CELF2: variants seen among roughly 807,000 people sequenced by gnomAD.
CELF2 encodes CUGBP Elav-like family member 2.
CELF2 carries 8 observed loss-of-function variants against 62.6 expected under a neutral mutation model. The ratio of observed to expected loss-of-function variants is 0.13; its 90% CI spans 0.07 to 0.23. The LOEUF is 0.23. Among genes scored for constraint, CELF2 ranks in the 10% least tolerant of loss-of-function variants. The pLI is 1.00. For synonymous variants in CELF2, 258 were observed against 250.0 expected (o/e 1.03, Z -0.30); for missense variants, 333 against 671.0 (o/e 0.50, Z 5.56).
intron 1 of CELF2, among the ~76,000 whole-genome samples, chr10:11,028,717 C>A (rs1037522590): frequency 4.5e-5 from 3 of 66,640 alleles, no homozygotes; most frequent in Non-Finnish European, 1.0e-4. Context: ...CCGCACCCAG[C>A]CTTTTTTTTT....
At chr10:10,727,514 T>A in the CELF2 span, among the ~76,000 whole-genome samples, 12 of 152,116 alleles carry the variant, frequency 7.9e-5, no homozygotes, top group Non-Finnish European at 1.8e-4. Context: ...CGGTGGCTCA[T>A]GCCTGTAATA....
chr10:11,083,249 C>G (rs1343601687), intron 1 of CELF2, among the ~76,000 whole-genome samples: 2 of 152,212 alleles, frequency 1.3e-5, no homozygotes, highest in African/African-American at 4.8e-5. Context: ...ACCATTATCA[C>G]TTTGACAGAT....
intron 1 of CELF2, among the ~76,000 whole-genome samples, chr10:10,869,835 G>C (rs188726961): frequency 5.9e-5 from 9 of 152,172 alleles, no homozygotes. Context: ...AAATTAAATA[G>C]CTGAATGCGG....
At chr10:10,481,772 C>T in the CELF2 span, among the ~76,000 whole-genome samples, 7 of 152,196 alleles carry the variant, frequency 4.6e-5, no homozygotes, top group East Asian at 9.6e-4. Flanking sequence ...TGTAAATTGT[C>T]GACTCAATTC....
intron 10 of CELF2, 196 bp from the exon 11 acceptor site, chr10:11,320,993 C>A: frequency 2.1e-6 from 3 of 1,431,780 alleles, no homozygotes; most frequent in East Asian, 2.5e-5. Context: ...TGAGGGTTCT[C>A]ATGGCTTAGG....
the CELF2 span, among the ~76,000 whole-genome samples, chr10:10,500,523 T>C: frequency 6.6e-6 from 1 of 152,136 alleles, no homozygotes; most frequent in Non-Finnish European, 1.5e-5. Flanking sequence ...AAGCACAAAT[T>C]CTCTCTTGCC....
At chr10:10,927,930 T>A (rs2065696493) in intron 2 of CELF2, among the ~76,000 whole-genome samples, 1 of 152,192 alleles carries the variant, frequency 6.6e-6, no homozygotes, top group South Asian at 2.1e-4. Flanking sequence ...AAGAGTTTCC[T>A]ATTGCTTAGA....
At chr10:11,209,646 A>G (rs1399352458) in intron 2 of CELF2, among the ~76,000 whole-genome samples, 1 of 147,738 alleles carries the variant, frequency 6.8e-6, no homozygotes, top group Non-Finnish European at 1.5e-5. Context: ...GTTTTTTTTT[A>G]ACCTTTAACT....
chr10:10,707,225 T>C, the CELF2 span, among the ~76,000 whole-genome samples: 1 of 152,208 alleles, frequency 6.6e-6, no homozygotes, highest in South Asian at 2.1e-4. Context: ...TATTTTCAGA[T>C]GCCAGATTTT....
rs1277705205 is a variant in CELF2 at position 11,260,959 on chromosome 10, A to G, written c.538+3087A>G. On this transcript the variant is annotated intron_variant, in intron 5 of 12. Coordinates refer to ENST00000633077, the MANE Select transcript of CELF2 (RefSeq NM_001326342.2). This position sits in a 1 kb window ranked among gnomAD's most constrained non-coding sequence, Gnocchi z 4.2. ...TCTCCCATTAGTGGCACTGCAGATA[A>G]AGGGCATTCAGCATTTCTGTTCTCA... is the stretch of plus-strand genomic sequence containing the variant. 3.3e-5 allele frequency among the ~76,000 whole-genome samples: 5 copies of G among 152,218 alleles called. No homozygotes were observed. The highest frequency in any genetic ancestry group is 6.5e-5 in the Admixed American group (1 of 15,288).
chr10:11,055,682 G>A (rs1338824234), intron 1 of CELF2, among the ~76,000 whole-genome samples: 3 of 152,204 alleles, frequency 2.0e-5, no homozygotes, highest in African/African-American at 7.2e-5. Context: ...TTTTGATCCC[G>A]ATTGCTCTCC....
At chr10:10,696,312 C>T in the CELF2 span, among the ~76,000 whole-genome samples, 1 of 151,874 alleles carries the variant, frequency 6.6e-6, no homozygotes, top group African/African-American at 2.4e-5. Context: ...AGTTAGGCTG[C>T]TCAGGGGTCA....
chr10:10,684,615 G>A, the CELF2 span, among the ~76,000 whole-genome samples: 1 of 152,078 alleles, frequency 6.6e-6, no homozygotes, highest in Non-Finnish European at 1.5e-5. Flanking sequence ...CATGAGGCAT[G>A]CTCCTGTGGT....
chr10:11,225,175 A>C (rs1307631763), intron 3 of CELF2, among the ~76,000 whole-genome samples: 2 of 152,194 alleles, frequency 1.3e-5, no homozygotes, highest in African/African-American at 4.8e-5. Flanking sequence ...CCAGCCGCAG[A>C]GATGAAAGAA....
At chr10:10,946,122 A>C (rs2135577288) in intron 2 of CELF2, 2 of 152,794 alleles carry the variant, frequency 1.3e-5, no homozygotes, top group African/African-American at 4.8e-5. Flanking sequence ...CCAGATTAAC[A>C]ACACTCTGCT....
chr10:11,325,133 A>G (rs963869352), intron 11 of CELF2, among the ~76,000 whole-genome samples: 5 of 152,194 alleles, frequency 3.3e-5, no homozygotes, highest in African/African-American at 4.8e-5. Context: ...TTACTGGGAA[A>G]GGATAGGTGG....
the CELF2 span, among the ~76,000 whole-genome samples, chr10:10,592,257 T>G: frequency 6.6e-6 from 1 of 152,194 alleles, no homozygotes; most frequent in Non-Finnish European, 1.5e-5. Flanking sequence ...TGATACTATC[T>G]GTCAGTTTAT....
intron 2 of CELF2, among the ~76,000 whole-genome samples, chr10:11,167,435 A>G (rs1312922283): frequency 6.6e-6 from 1 of 152,234 alleles, no homozygotes; most frequent in African/African-American, 2.4e-5. Context: ...CAGCATTTTT[A>G]AAAGTTACCT....
the CELF2 span, among the ~76,000 whole-genome samples, chr10:10,723,166 G>GT: frequency 6.6e-6 from 1 of 152,220 alleles, no homozygotes; most frequent in South Asian, 2.1e-4. Context: ...TAAATTCATC[G>GT]TTTTTTTGTA....
Sources: gnomAD v4.1 joint callset for allele counts (sites outside exome capture counted in the v4.1 genomes callset) on GRCh38, gnomAD v4.1.1 for gene constraint, Gnocchi (gnomAD v3.1) non-coding constraint, MANE v1.5 for transcripts, NCBI Gene and HGNC (gene_info 2026-07-23, HGNC 2026-07-21) for gene names.